Variants in USH2A observed in about 807,000 individuals in gnomAD.
The protein encoded by USH2A is usherin.
In USH2A, 443 loss-of-function variants were observed where a neutral mutation model predicts 538.9. The observed-to-expected ratio is 0.82, with a 90% CI of 0.76 to 0.89. The LOEUF (loss-of-function observed/expected upper bound fraction) is 0.89, where lower values mean the gene tolerates loss of function less well. Ranked by LOEUF, USH2A falls within the 40% of genes least tolerant of loss-of-function variation. USH2A has a pLI of 0.00. For missense variants in USH2A, 6,633 were observed against 6,324.8 expected (o/e 1.05, Z -1.65); for synonymous variants, 2,413 against 2,273.5 (o/e 1.06, Z -1.75).
intron 30 of USH2A, among the ~76,000 whole-genome samples, chr1:216,050,604 C>CTTTCTTTCTTTCTTTCTTTCT (rs1195871302): frequency 5.8e-4 from 40 of 68,596 alleles, no homozygotes; most frequent in African/African-American, 1.9e-3. Context: ...TTCTTTCTTT[C>CTTTCTTTCTTTCTTTCTTTCT]TTTTTTTTTT....
intron 3 of USH2A, among the ~76,000 whole-genome samples, chr1:216,415,988 A>T (rs938738808): frequency 3.3e-5 from 5 of 152,034 alleles, no homozygotes; most frequent in South Asian, 2.1e-4. Context: ...AACAATGGTG[A>T]AACTCCTTCT....
At chr1:216,098,626 T>C (rs1237261891) in intron 21 of USH2A, among the ~76,000 whole-genome samples, 1 of 152,132 alleles carries the variant, frequency 6.6e-6, no homozygotes, top group African/African-American at 2.4e-5. Context: ...CATTGGACTG[T>C]CGTTTTTTCA....
intron 54 of USH2A, 49 bp from the exon 55 acceptor site, chr1:215,780,090 T>C: frequency 1.3e-6 from 2 of 1,588,360 alleles, no homozygotes; most frequent in Non-Finnish European, 1.7e-6. Context: ...GTGCACTAGC[T>C]ATCCTGATCA....
intron 19 of USH2A, among the ~76,000 whole-genome samples, chr1:216,191,719 C>A (rs2034720070): frequency 6.6e-6 from 1 of 151,750 alleles, no homozygotes; most frequent in Non-Finnish European, 1.5e-5. Context: ...TAATATTCAT[C>A]CCTTTTAGAA....
At chr1:216,260,449 C>T (rs921517638) in intron 11 of USH2A, among the ~76,000 whole-genome samples, 4 of 152,010 alleles carry the variant, frequency 2.6e-5, no homozygotes, top group Non-Finnish European at 5.9e-5. Flanking sequence ...GATTTTGTCC[C>T]CAGAGGAACT....
intron 3 of USH2A, among the ~76,000 whole-genome samples, chr1:216,389,332 T>C (rs2039060062): frequency 6.6e-6 from 1 of 152,166 alleles, no homozygotes; most frequent in Non-Finnish European, 1.5e-5. Flanking sequence ...ATTTATAATG[T>C]AGACAAATGA....
intron 64 of USH2A, among the ~76,000 whole-genome samples, chr1:215,655,767 G>A (rs1405096592): frequency 1.7e-5 from 2 of 118,624 alleles, no homozygotes; most frequent in African/African-American, 3.4e-5. Context: ...ACAGAGTCTC[G>A]CTCTTTCACC....
rs111033524 is a variant in USH2A at position 216,198,494 on chromosome 1, C to A, written c.3902G>T (p.Gly1301Val). Residue 1301 changes from glycine to valine, a missense_variant, in exon 18 of 72, where the codon GGT becomes GTT. Transcript: ENST00000307340. ...SEESRVFQSS[G>V]WLSPHSFVES... Reference sequence around the variant, plus strand: ...TACAAATGAATGAGGACTGAGCCAACCACTGCTCTGAAAAACTCGACTTTC... The same window carrying A: ...TACAAATGAATGAGGACTGAGCCAAACACTGCTCTGAAAAACTCGACTTTC... 653 of 1,614,010 alleles carry A rather than the reference C, an allele frequency of 4.0e-4. 4 individuals carry two copies. In the South Asian group the frequency reaches 5.1e-3, roughly 13 times the overall value.
intron 3 of USH2A, among the ~76,000 whole-genome samples, chr1:216,414,365 C>T (rs1571796814): frequency 1.3e-5 from 2 of 151,964 alleles, no homozygotes; most frequent in Admixed American, 6.6e-5. Context: ...CTTTAAAATG[C>T]TAGTTTTGGA....
At chr1:216,403,097 G>C (rs1008063514) in intron 3 of USH2A, among the ~76,000 whole-genome samples, 7 of 151,954 alleles carry the variant, frequency 4.6e-5, no homozygotes, top group Non-Finnish European at 8.8e-5. Context: ...TGACCAAGTA[G>C]GATTTATTTC....
rs987579770 is a variant in USH2A, at chr1:216,283,022, T to C, written c.1971+6258A>G. On this transcript the variant is annotated intron_variant, in intron 11 of 71. Transcript: ENST00000307340. ...TTTCAGATTGTTCAGTGCAAATATA[T>C]GGAAATATAATTGATCTTTGTGTAT... 2.6e-5 allele frequency among the ~76,000 whole-genome samples: 4 copies of C among 152,236 alleles called. No individual in the cohort carries two copies. The East Asian group carries it at 7.7e-4, about 29-fold the overall frequency.
At chr1:215,963,489 G>T (rs1334417597) in intron 37 of USH2A, among the ~76,000 whole-genome samples, 3 of 151,968 alleles carry the variant, frequency 2.0e-5, no homozygotes, top group Admixed American at 6.6e-5. Flanking sequence ...CTTCCAATTT[G>T]TCTGTTTTGC....
chr1:216,217,074 T>A (rs1486883783), intron 15 of USH2A, among the ~76,000 whole-genome samples: 2 of 152,078 alleles, frequency 1.3e-5, no homozygotes, highest in Admixed American at 1.3e-4. Context: ...GATTTTACCA[T>A]TAAAAGTCTT....
chr1:216,026,217 T>C (rs1668961108), intron 32 of USH2A, among the ~76,000 whole-genome samples: 3 of 152,176 alleles, frequency 2.0e-5, no homozygotes, highest in African/African-American at 7.2e-5. Context: ...CCTCTCATAG[T>C]AAAACAAGCA....
At chr1:215,845,306 C>A (rs1221725042) in intron 45 of USH2A, among the ~76,000 whole-genome samples, 2 of 151,894 alleles carry the variant, frequency 1.3e-5, no homozygotes, top group Non-Finnish European at 2.9e-5. Flanking sequence ...CTTTATAAAG[C>A]CAAAAAAGAT....
Position 216,113,800 on chromosome 1 carries a change from A to G in USH2A, c.4628-16587T>C, listed in dbSNP as rs562359723. On this transcript the variant is annotated intron_variant, in intron 21 of 71. Transcript: ENST00000307340. ...ATGGCGTCTTCCTTTGCTTTTTATA[A>G]TTGGGCTTCCTAGCCCAGAATTTGT... 2.3e-3 allele frequency among the ~76,000 whole-genome samples: 356 copies of G among 151,882 alleles called. 2 individuals are homozygous for G. Among genetic ancestry groups the G allele is most frequent in the South Asian group, 5.0e-3 (24 of 4,826 alleles).
At chr1:216,386,500 CAAACA>C (rs2102740202) in intron 3 of USH2A, among the ~76,000 whole-genome samples, 1 of 75,172 alleles carries the variant, frequency 1.3e-5, no homozygotes, top group Non-Finnish European at 3.2e-5. Context: ...AACAAACAAA[CAAACA>C]AACAAACAAA....
chr1:215,844,424 G>A lies in USH2A; in HGVS notation c.9128C>T (p.Pro3043Leu), dbSNP rs747760172. The change falls in exon 46 of 72, where the codon CCT becomes CTT. Residue 3043 changes from proline to leucine, a missense_variant. Physicochemically the swap from Pro to Leu is moderately conservative, Grantham distance 98 (BLOSUM62 -3). Coordinates refer to ENST00000307340, the MANE Select transcript of USH2A (RefSeq NM_206933.4). ...STAVRVIWTS[P>L]SNPNGVVTEY... ...AGTGACAACACCATTTGGGTTTGAA[G>A]GAGATGTCCAGATGACACGTACAGC... The A allele has an allele frequency of 6.2e-7, 1 of 1,613,464 alleles. No individual in the cohort carries two copies. Among genetic ancestry groups the A allele is most frequent in the South Asian group, 1.1e-5 (1 of 91,086 alleles).
intron 38 of USH2A, among the ~76,000 whole-genome samples, chr1:215,927,626 A>G (rs1347967399): frequency 6.6e-6 from 1 of 152,108 alleles, no homozygotes; most frequent in East Asian, 1.9e-4. Flanking sequence ...CTAGAAGGGG[A>G]ACAGTGGGAG....
Sources: allele counts gnomAD v4.1 joint callset (sites outside exome capture counted in the v4.1 genomes callset), GRCh38; gene constraint gnomAD v4.1.1; transcripts MANE v1.5; gene names NCBI Gene and HGNC (gene_info 2026-07-23, HGNC 2026-07-21).